The following MAP3K5 variants were observed in gnomAD, a reference collection of about 807,000 sequenced individuals.
MAP3K5 encodes the protein mitogen-activated protein kinase kinase kinase 5.
MAP3K5 carries 56 observed loss-of-function variants against 158.7 expected under a neutral mutation model. That is an observed-to-expected ratio of 0.35 (90% CI 0.28 to 0.44). The LOEUF (loss-of-function observed/expected upper bound fraction) is 0.44, where lower values mean the gene tolerates loss of function less well. Ranked by LOEUF, MAP3K5 falls within the 20% of genes least tolerant of loss-of-function variation. The probability of loss-of-function intolerance (pLI) is 1.00; values close to 1 mark genes in which losing one functional copy is unlikely to be tolerated. For missense variants in MAP3K5, 1,294 were observed against 1,674.8 expected (o/e 0.77, Z 3.97); for synonymous variants, 579 against 601.7 (o/e 0.96, Z 0.55).
At chr6:136,750,748 C>T (rs537180865) in intron 1 of MAP3K5, among the ~76,000 whole-genome samples, 30 of 152,316 alleles carry the variant, frequency 2.0e-4, no homozygotes, top group African/African-American at 6.0e-4. Flanking sequence ...CATTCTCACA[C>T]ATTTCATCTT....
chr6:136,731,308 T>G (rs151046834), intron 1 of MAP3K5, among the ~76,000 whole-genome samples: 1 of 152,234 alleles, frequency 6.6e-6, no homozygotes, highest in African/African-American at 2.4e-5. Context: ...TTGTAACTAA[T>G]TATTACAAGC....
At chr6:136,602,185 A>G (rs1175822947) in intron 19 of MAP3K5, among the ~76,000 whole-genome samples, 2 of 152,234 alleles carry the variant, frequency 1.3e-5, no homozygotes, top group Admixed American at 1.3e-4. Context: ...TACCAATGGC[A>G]CAGGCAGAAT....
chr6:136,745,578 C>T lies in MAP3K5; in HGVS notation c.449-24989G>A, dbSNP rs375262545. On this transcript the variant is annotated intron_variant, in intron 1 of 29. Transcript: ENST00000359015. ...ATGCAGTGACTCCCAGCACACCTAC[C>T]ATCCTGCCCATGAACATCACAAGAC... is the stretch of plus-strand genomic sequence containing the variant. Among the ~76,000 whole-genome samples, 37 of 152,214 alleles carry T rather than the reference C, an allele frequency of 2.4e-4. No individual in the cohort carries two copies. The East Asian group carries it at 5.4e-3, about 22-fold the overall frequency.
chr6:136,687,139 T>A (rs1780184527), intron 7 of MAP3K5, among the ~76,000 whole-genome samples: 1 of 152,154 alleles, frequency 6.6e-6, no homozygotes, highest in Admixed American at 6.6e-5. Flanking sequence ...GACCATCTGA[T>A]CTTTGACAAA....
intron 1 of MAP3K5, among the ~76,000 whole-genome samples, chr6:136,739,423 G>A (rs540569827): frequency 3.3e-5 from 5 of 152,266 alleles, no homozygotes; most frequent in Admixed American, 1.3e-4. Context: ...CATCAGCCAC[G>A]ACTAGAGAGT....
Position 136,720,518 on chromosome 6 carries a change from T to G in MAP3K5, c.520A>C (p.Ser174Arg). ...ATGATGTTGTTGGCCATGCTGAAACTTTCTCTCACCCCAAGGTGGTAAAAC... is the reference window on the plus strand; with the variant it reads ...ATGATGTTGTTGGCCATGCTGAAACGTTCTCTCACCCCAAGGTGGTAAAAC... ...SLFYHLGVRE[S>R]FSMANNIILY... Residue 174 changes from serine (S) to arginine (R), a missense_variant, in exon 2 of 30, where the codon AGT (serine) becomes CGT (arginine). By Grantham distance (110) the Ser-to-Arg change is moderately radical. Transcript: ENST00000359015. 6.2e-7 allele frequency: 1 copy of G among 1,613,572 alleles called. No individual in the cohort carries two copies. The highest frequency in any genetic ancestry group is 8.5e-7 in the Non-Finnish European group (1 of 1,179,734).
intron 7 of MAP3K5, among the ~76,000 whole-genome samples, chr6:136,669,669 T>C (rs537521990): frequency 1.1e-3 from 170 of 152,254 alleles, no homozygotes; most frequent in Non-Finnish European, 2.1e-3. Flanking sequence ...ACCAGAAATA[T>C]GTGAATGTGA....
At chr6:136,754,653 C>T (rs577072812) in intron 1 of MAP3K5, among the ~76,000 whole-genome samples, 1 of 152,090 alleles carries the variant, frequency 6.6e-6, no homozygotes, top group South Asian at 2.1e-4. Context: ...CCACCCTATG[C>T]TTAATCTGCA....
chr6:136,634,308 G>A (rs1173020667), intron 14 of MAP3K5, among the ~76,000 whole-genome samples: 1 of 152,252 alleles, frequency 6.6e-6, no homozygotes, highest in Middle Eastern at 3.4e-3. Context: ...GGACAACCAC[G>A]ATGGATTTCA....
At chr6:136,694,772 A>T (rs889000732) in intron 6 of MAP3K5, among the ~76,000 whole-genome samples, 8 of 152,236 alleles carry the variant, frequency 5.3e-5, no homozygotes, top group Non-Finnish European at 1.5e-5. Flanking sequence ...ATCAAACCCA[A>T]GAACTGCTTG....
In MAP3K5 at chr6:136,609,729, A is replaced by C. The variant is rs981756480; in HGVS notation, c.2521+1553T>G. 5.3e-5 allele frequency among the ~76,000 whole-genome samples: 8 copies of C among 151,784 alleles called. No individual in the cohort carries two copies. Among genetic ancestry groups the C allele is most frequent in the Non-Finnish European group, 1.0e-4 (7 of 67,970 alleles). ...GAATCACTTGAGCCCGGGGTAGGGG[A>C]GGTCACAGTGAGCAGAGATTACACC... On this transcript the variant is annotated intron_variant, in intron 18 of 29. Transcript: ENST00000359015. The surrounding 1 kb of genome is among the most constrained non-coding windows in gnomAD (Gnocchi z 4.4).
At chr6:136,784,040 G>C (rs1171225508) in intron 1 of MAP3K5, among the ~76,000 whole-genome samples, 3 of 152,216 alleles carry the variant, frequency 2.0e-5, no homozygotes, top group Non-Finnish European at 4.4e-5. Context: ...GAGGGGAACT[G>C]CCCTATAAAC....
chr6:136,791,539 C>G (rs1785075646), intron 1 of MAP3K5, among the ~76,000 whole-genome samples, 171 bp downstream of exon 1: 1 of 152,228 alleles, frequency 6.6e-6, no homozygotes, highest in South Asian at 2.1e-4. Flanking sequence ...CAAGCACACA[C>G]GCTCTCTCCG....
Position 136,656,451 on chromosome 6 carries a change from C to G in MAP3K5, c.1536G>C (p.Lys512Asn), listed in dbSNP as rs1190207303. ...ATATTAAAATTGTCTCTACAATAGA[C>G]TTGAGGTACCTGAGAAGGAAAAGAT... ...FKLKTPAWYL[K>N]SIVETILIYK... The change falls in exon 10 of 30, where the codon AAG becomes AAC. Residue 512 changes from lysine (K) to asparagine (N), a missense_variant. This residue lies in a region of MAP3K5 where 690 missense variants were observed against 870.5 expected (regional missense o/e 0.79). Transcript: ENST00000359015. The G allele has an allele frequency of 2.5e-6, 4 of 1,569,634 alleles. No homozygotes were observed. The highest frequency in any genetic ancestry group is 2.6e-6 in the Non-Finnish European group (3 of 1,159,406).
At chr6:136,646,776 C>A (rs1778279367) in intron 11 of MAP3K5, among the ~76,000 whole-genome samples, 1 of 152,164 alleles carries the variant, frequency 6.6e-6, no homozygotes, top group Non-Finnish European at 1.5e-5. Flanking sequence ...TGCATACATG[C>A]AAAACAATAT....
intron 11 of MAP3K5, among the ~76,000 whole-genome samples, chr6:136,650,003 T>C (rs1056647565): frequency 2.4e-4 from 36 of 152,228 alleles, no homozygotes; most frequent in African/African-American, 8.4e-4. Flanking sequence ...TTCCACTTCC[T>C]GCTTTATTTT....
At position 136,741,247 on chromosome 6, in the gene MAP3K5, G is replaced by A. The variant is rs9376227; in HGVS notation, c.449-20658C>T. On this transcript the variant is annotated intron_variant, in intron 1 of 29. Transcript: ENST00000359015. ...AATGACCTGTTATTAGCTAGCACAC[G>A]GAGATACTAACCATTTTGGTATTTC... is the stretch of plus-strand genomic sequence containing the variant. 4.0e-3 allele frequency among the ~76,000 whole-genome samples: 604 copies of A among 152,030 alleles called. 12 individuals carry two copies. The East Asian group carries it at 0.06, about 15-fold the overall frequency.
At chr6:136,781,105 C>T (rs1046725595) in intron 1 of MAP3K5, among the ~76,000 whole-genome samples, 3 of 152,182 alleles carry the variant, frequency 2.0e-5, no homozygotes, top group Non-Finnish European at 4.4e-5. Context: ...CAGCACATCT[C>T]AGGGAAACAA....
intron 1 of MAP3K5, among the ~76,000 whole-genome samples, chr6:136,791,421 T>A (rs943806637): frequency 2.6e-5 from 4 of 151,460 alleles, no homozygotes; most frequent in Non-Finnish European, 4.4e-5. Flanking sequence ...GGCAAATATC[T>A]CACACTGCTG....
Sources: allele counts gnomAD v4.1 joint callset (sites outside exome capture counted in the v4.1 genomes callset), GRCh38; gene constraint gnomAD v4.1.1; regional missense constraint gnomAD v4.1.1; non-coding constraint Gnocchi (gnomAD v3.1); transcripts MANE v1.5; gene names NCBI Gene and HGNC (gene_info 2026-07-23, HGNC 2026-07-21).